NAALADL2: variants seen among roughly 807,000 people sequenced by gnomAD.
The protein encoded by NAALADL2 is inactive N-acetylated-alpha-linked acidic dipeptidase-like protein 2.
NAALADL2 carries 76 observed loss-of-function variants against 87.2 expected under a neutral mutation model. The observed-to-expected ratio is 0.87, with a 90% confidence interval of 0.72 to 1.05. The LOEUF (loss-of-function observed/expected upper bound fraction) is 1.05, where lower values mean the gene tolerates loss of function less well. Ranked by LOEUF, NAALADL2 falls within the 50% of genes least tolerant of loss-of-function variation. NAALADL2 has a pLI of 0.00. For synonymous variants in NAALADL2, 354 were observed against 331.0 expected (o/e 1.07, Z -0.75); for missense variants, 1,089 against 945.8 (o/e 1.15, Z -1.99).
intron 5 of NAALADL2, among the ~76,000 whole-genome samples, chr3:175,346,031 A>G (rs1049413507): frequency 2.6e-5 from 4 of 152,186 alleles, no homozygotes; most frequent in Admixed American, 2.0e-4. Context: ...AATTCATGAG[A>G]AAGTGTATAT....
intron 4 of NAALADL2, among the ~76,000 whole-genome samples, chr3:175,282,847 T>G (rs866443003): frequency 6.6e-6 from 1 of 152,020 alleles, no homozygotes; most frequent in Non-Finnish European, 1.5e-5. Flanking sequence ...ATTTTATTTT[T>G]ATCTACTTTC....
At chr3:175,246,245 T>G (rs987425834) in intron 3 of NAALADL2, among the ~76,000 whole-genome samples, 1 of 152,210 alleles carries the variant, frequency 6.6e-6, no homozygotes, top group African/African-American at 2.4e-5. Context: ...CAAAGCTAGA[T>G]TTATATATGA....
chr3:174,916,344 G>A (rs1008098917), intron 1 of NAALADL2, among the ~76,000 whole-genome samples: 2 of 151,954 alleles, frequency 1.3e-5, no homozygotes, highest in Admixed American at 6.6e-5. Context: ...CTACCATTCA[G>A]TCCAGTAATC....
intron 2 of NAALADL2, among the ~76,000 whole-genome samples, chr3:174,677,842 T>A (rs1158846432): frequency 6.6e-6 from 1 of 151,308 alleles, no homozygotes; most frequent in Non-Finnish European, 1.5e-5. Context: ...TTCAGCACTA[T>A]GCTTGGGGGC....
At chr3:174,953,851 T>C (rs1409293268) in intron 1 of NAALADL2, among the ~76,000 whole-genome samples, 2 of 152,050 alleles carry the variant, frequency 1.3e-5, no homozygotes, top group South Asian at 2.1e-4. Context: ...TGTTTTTTTT[T>C]CTCATCTAAA....
intron 1 of NAALADL2, among the ~76,000 whole-genome samples, chr3:174,913,703 G>A (rs770777071): frequency 5.1e-4 from 78 of 152,058 alleles, no homozygotes; most frequent in Non-Finnish European, 1.0e-3. Context: ...ACTATATTGC[G>A]CTGTAATGGG....
intron 5 of NAALADL2, among the ~76,000 whole-genome samples, chr3:175,365,712 T>G (rs1765474509): frequency 6.8e-6 from 1 of 147,228 alleles, no homozygotes; most frequent in Non-Finnish European, 1.5e-5. Flanking sequence ...TAAAAAAATC[T>G]GAGATACATA....
chr3:174,737,746 A>G (rs1733358228), exon 3 of NAALADL2: 1 of 152,216 alleles, frequency 6.6e-6, no homozygotes, highest in Non-Finnish European at 1.5e-5. Context: ...ATTCAATTGA[A>G]GTAAGACCTA....
chr3:175,100,838 CA>C (rs562200946), intron 2 of NAALADL2, among the ~76,000 whole-genome samples: 13,990 of 69,456 alleles, frequency 0.2, 499 homozygotes, highest in East Asian at 0.26. Context: ...GACTCTGTCT[CA>C]AAAAAAAAAA....
intron 11 of NAALADL2, among the ~76,000 whole-genome samples, chr3:175,656,834 T>G (rs1582795991): frequency 6.6e-6 from 1 of 152,236 alleles, no homozygotes; most frequent in Non-Finnish European, 1.5e-5. Context: ...AGCAAATTTT[T>G]TGCTGGATCA....
intron 5 of NAALADL2, among the ~76,000 whole-genome samples, chr3:175,401,643 A>T (rs1350208943): frequency 6.6e-6 from 1 of 152,166 alleles, no homozygotes; most frequent in Non-Finnish European, 1.5e-5. Context: ...ACATTACAGG[A>T]AATTGTAACA....
At chr3:174,686,910 A>G (rs551251) in intron 2 of NAALADL2, among the ~76,000 whole-genome samples, 114,238 of 151,956 alleles carry the variant, frequency 0.75, 43,122 homozygotes, top group East Asian at 0.9. Context: ...CATGATGAAG[A>G]CAACAAAAGC....
intron 1 of NAALADL2, among the ~76,000 whole-genome samples, chr3:174,881,161 A>T (rs906311088): frequency 6.6e-6 from 1 of 152,146 alleles, no homozygotes; most frequent in East Asian, 1.9e-4. Flanking sequence ...CTCCAGGTGG[A>T]CATATCCTTT....
chr3:175,500,698 G>A (rs1488613838), intron 9 of NAALADL2, among the ~76,000 whole-genome samples: 1 of 151,840 alleles, frequency 6.6e-6, no homozygotes, highest in African/African-American at 2.4e-5. Context: ...TTATGATATG[G>A]GTGCTATTAT....
At chr3:175,462,303 A>C (rs1490486803) in intron 6 of NAALADL2, among the ~76,000 whole-genome samples, 1 of 152,178 alleles carries the variant, frequency 6.6e-6, no homozygotes, top group Non-Finnish European at 1.5e-5. Flanking sequence ...AATTAAAAGC[A>C]CAATGCTCAG....
intron 2 of NAALADL2, among the ~76,000 whole-genome samples, chr3:175,178,206 C>T (rs1043262093): frequency 4.6e-5 from 7 of 151,832 alleles, no homozygotes; most frequent in South Asian, 2.1e-4. Context: ...TTATTTAATA[C>T]AAGGTAAGTG....
chr3:174,825,091 A>C (rs1721837040), intron 3 of NAALADL2, among the ~76,000 whole-genome samples: 2 of 152,126 alleles, frequency 1.3e-5, no homozygotes, highest in Non-Finnish European at 2.9e-5. Context: ...CCAGTGTATT[A>C]TTTTCCAGAA....
At chr3:174,726,843 A>G (rs928132021) in intron 2 of NAALADL2, among the ~76,000 whole-genome samples, 3 of 151,882 alleles carry the variant, frequency 2.0e-5, no homozygotes, top group African/African-American at 4.8e-5. Context: ...GCTTTCTTCT[A>G]TGTGCTCGTT....
intron 9 of NAALADL2, among the ~76,000 whole-genome samples, chr3:175,566,923 T>A (rs536135434): frequency 1.3e-5 from 2 of 152,302 alleles, no homozygotes; most frequent in Admixed American, 1.3e-4. Flanking sequence ...TAATCTTTTT[T>A]ATCTTTTGAG....
Sources: allele counts gnomAD v4.1 joint callset (sites outside exome capture counted in the v4.1 genomes callset), GRCh38; gene constraint gnomAD v4.1.1; transcripts MANE v1.5; gene names NCBI Gene and HGNC (gene_info 2026-07-23, HGNC 2026-07-21).